Variants in ACKR2 observed in about 807,000 individuals in gnomAD.
The protein encoded by ACKR2 is atypical chemokine receptor 2.
For missense variants in ACKR2, 457 were observed against 477.3 expected, an observed-to-expected ratio of 0.96 and a Z score of 0.40; for synonymous variants, 207 against 192.2, an observed-to-expected ratio of 1.08 and a Z score of -0.64.
intron 2 of ACKR2, among the ~76,000 whole-genome samples, chr3:42,824,666 G>A (rs915322554): frequency 2.6e-5 from 4 of 152,038 alleles, no homozygotes; most frequent in African/African-American, 4.8e-5. Context: ...AGCATGTATC[G>A]ATACTTTATT....
chr3:42,845,646 T>C (rs1392134541), intron 2 of ACKR2, among the ~76,000 whole-genome samples: 1 of 151,966 alleles, frequency 6.6e-6, no homozygotes, highest in African/African-American at 2.4e-5. Context: ...AAAAACGTAA[T>C]AGTGCCTTAA....
intron 1 of ACKR2, among the ~76,000 whole-genome samples, chr3:42,811,714 G>C (rs534762361): frequency 9.9e-5 from 15 of 152,150 alleles, no homozygotes; most frequent in Non-Finnish European, 5.9e-5. Context: ...GGAATGTCTC[G>C]GTGTAAAACC....
intron 2 of ACKR2, among the ~76,000 whole-genome samples, chr3:42,847,316 G>A (rs1257255038): frequency 2.0e-5 from 3 of 152,196 alleles, no homozygotes; most frequent in Non-Finnish European, 4.4e-5. Flanking sequence ...AGTGGCCAGC[G>A]GGGGCCAGGC....
At chr3:42,817,726 T>C (rs1700767203) in intron 1 of ACKR2, among the ~76,000 whole-genome samples, 1 of 152,088 alleles carries the variant, frequency 6.6e-6, no homozygotes, top group Non-Finnish European at 1.5e-5. Flanking sequence ...CCAACCCAGC[T>C]CTCTCAACCC....
chr3:42,854,939 C>G (rs2088296748), intron 2 of ACKR2, among the ~76,000 whole-genome samples: 1 of 151,572 alleles, frequency 6.6e-6, no homozygotes, highest in South Asian at 2.1e-4. Flanking sequence ...TCACTGCAAC[C>G]TCTGCCTCCT....
intron 2 of ACKR2, among the ~76,000 whole-genome samples, chr3:42,830,166 A>G (rs1357786434): frequency 6.6e-6 from 1 of 152,186 alleles, no homozygotes; most frequent in African/African-American, 2.4e-5. Context: ...TCCAATGACC[A>G]TGTGGCAATC....
At chr3:42,853,186 G>A (rs562313122) in intron 2 of ACKR2, among the ~76,000 whole-genome samples, 6 of 152,200 alleles carry the variant, frequency 3.9e-5, no homozygotes, top group East Asian at 1.9e-4. Context: ...CTGCAAGCCC[G>A]AGGAAGGGGT....
intron 1 of ACKR2, among the ~76,000 whole-genome samples, chr3:42,811,697 T>A (rs1700696766): frequency 6.6e-6 from 1 of 152,038 alleles, no homozygotes; most frequent in South Asian, 2.1e-4. Context: ...TGCATGTCCC[T>A]GGGAATGGAA....
At position 42,857,505 on chromosome 3, in the gene ACKR2, T is replaced by C. The variant is rs144870731; in HGVS notation, c.-37-6961T>C. ...CAGTTTTGTAGAACTTAAAGTGCTC[T>C]GCATGTATTATTACATTTAAGCATA... On this transcript the variant is annotated intron_variant, in intron 2 of 2. Coordinates refer to ENST00000422265, the MANE Select transcript of ACKR2 (RefSeq NM_001296.5). Among the ~76,000 whole-genome samples the C allele has an allele frequency of 9.2e-5, 14 of 152,306 alleles. No homozygotes were observed. In the East Asian group the frequency reaches 2.7e-3, roughly 29 times the overall value.
intron 2 of ACKR2, among the ~76,000 whole-genome samples, chr3:42,842,132 G>A (rs1701045200): frequency 6.6e-6 from 1 of 152,240 alleles, no homozygotes; most frequent in African/African-American, 2.4e-5. Flanking sequence ...GACAGAGGTT[G>A]AGGCCTTTCT....
chr3:42,854,492 G>A (rs1051131009), intron 2 of ACKR2, among the ~76,000 whole-genome samples: 1 of 152,122 alleles, frequency 6.6e-6, no homozygotes, highest in African/African-American at 2.4e-5. Flanking sequence ...GGGAGTGTGG[G>A]GGGGAAGGGG....
intron 2 of ACKR2, among the ~76,000 whole-genome samples, chr3:42,823,914 C>A (rs1468205510): frequency 6.6e-6 from 1 of 152,172 alleles, no homozygotes; most frequent in Non-Finnish European, 1.5e-5. Flanking sequence ...GAGACAATCA[C>A]AGTCGTCCCT....
In ACKR2 at chr3:42,865,743, G is replaced by T; in HGVS notation, c.*86G>T. ...AAGTGCTCTCTCCAGGGGCCTCAGT[G>T]ACTGTGTTGCTAAACCCAGTGGTCA... On this transcript the variant is annotated 3_prime_UTR_variant, in exon 3 of 3. Coordinates refer to ENST00000422265, the MANE Select transcript of ACKR2 (RefSeq NM_001296.5). 1.8e-6 allele frequency: 2 copies of T among 1,097,724 alleles called. No individual in the cohort carries two copies. Among genetic ancestry groups the T allele is most frequent in the Non-Finnish European group, 1.3e-6 (1 of 763,810 alleles). The allele number at this position is 1,097,724 out of a possible 1,614,324, so 68.0% of individuals were successfully genotyped here.
chr3:42,838,759 G>A (rs1007338398), intron 2 of ACKR2, among the ~76,000 whole-genome samples: 3 of 152,204 alleles, frequency 2.0e-5, no homozygotes, highest in Non-Finnish European at 4.4e-5. Flanking sequence ...GTGAATGTTT[G>A]TGGCAGATTT....
At chr3:42,833,387 A>C (rs1176419619) in intron 2 of ACKR2, among the ~76,000 whole-genome samples, 1 of 151,886 alleles carries the variant, frequency 6.6e-6, no homozygotes, top group East Asian at 1.9e-4. Flanking sequence ...TTTTTATTTC[A>C]ATAGGTTTTG....
chr3:42,823,978 C>A (rs944085382), intron 2 of ACKR2, among the ~76,000 whole-genome samples: 11 of 151,476 alleles, frequency 7.3e-5, no homozygotes, highest in African/African-American at 2.7e-4. Context: ...AGGTTGCAGT[C>A]AAAACCCAGT....
At chr3:42,848,465 G>A (rs931487778) in intron 2 of ACKR2, among the ~76,000 whole-genome samples, 5 of 152,004 alleles carry the variant, frequency 3.3e-5, no homozygotes, top group Admixed American at 2.0e-4. Flanking sequence ...CCATCTACCT[G>A]CCTTGGCCTC....
At position 42,826,441 on chromosome 3, in the gene ACKR2, G is replaced by T. The variant is rs149923704; in HGVS notation, c.-38+6730G>T. On this transcript the variant is annotated intron_variant, in intron 2 of 2. Coordinates refer to ENST00000422265, the MANE Select transcript of ACKR2 (RefSeq NM_001296.5). The stretch of plus-strand genomic sequence containing the variant: ...AATGAAATTCCTTTCTTTGTTATAG[G>T]TCTATTCAGATTTTCTTTTTCCTCT... 5.7e-3 allele frequency among the ~76,000 whole-genome samples: 863 copies of T among 152,082 alleles called. 9 individuals carry two copies. Among genetic ancestry groups the T allele is most frequent in the African/African-American group, 0.02 (831 of 41,510 alleles).
intron 2 of ACKR2, among the ~76,000 whole-genome samples, chr3:42,847,378 C>G (rs1156914092): frequency 6.6e-6 from 1 of 152,158 alleles, no homozygotes; most frequent in Non-Finnish European, 1.5e-5. Flanking sequence ...GCATCATTTC[C>G]TTCCTTTTGT....
Sources: allele counts gnomAD v4.1 joint callset (sites outside exome capture counted in the v4.1 genomes callset), GRCh38; gene constraint gnomAD v4.1.1; transcripts MANE v1.5; gene names NCBI Gene and HGNC (gene_info 2026-07-23, HGNC 2026-07-21).